Variants in SNX13 observed in about 807,000 individuals in gnomAD.
SNX13 encodes sorting nexin 13.
Under a neutral mutation model 133.6 loss-of-function variants are expected in SNX13, and 45 were observed. The observed-to-expected ratio is 0.34, with a 90% CI of 0.27 to 0.43. The LOEUF (loss-of-function observed/expected upper bound fraction) is 0.43, where lower values mean the gene tolerates loss of function less well. Ranked by LOEUF, SNX13 falls within the 20% of genes least tolerant of loss-of-function variation. SNX13 has a pLI of 1.00. For missense variants in SNX13, 1,032 were observed against 1,145.1 expected, an observed-to-expected ratio of 0.90 and a Z score of 1.43; for synonymous variants, 414 against 373.9, an observed-to-expected ratio of 1.11 and a Z score of -1.24.
At chr7:17,918,387 A>T (rs985733756) in intron 1 of SNX13, among the ~76,000 whole-genome samples, 3 of 152,148 alleles carry the variant, frequency 2.0e-5, no homozygotes, top group African/African-American at 7.2e-5. Flanking sequence ...TAAATCTGAC[A>T]AAGGAATAAT....
chr7:17,826,191 C>T, intron 16 of SNX13, 100 bp from the exon 17 acceptor site: 1 of 654,026 alleles, frequency 1.5e-6, no homozygotes, highest in Non-Finnish European at 2.6e-6. Flanking sequence ...ACTCATTTCC[C>T]TGCATGTAAA....
Position 17,815,442 on chromosome 7 carries a change from A to G in SNX13, c.1954-498T>C, listed in dbSNP as rs118123165. ...TACAAAAAAATTTAAAACATTAGCC[A>G]GGCACAGTGGCATGCACCTGTAGTC... On this transcript the variant is annotated intron_variant, in intron 19 of 25. Transcript: ENST00000428135. Among the ~76,000 whole-genome samples, 45 of 152,268 alleles carry G rather than the reference A, an allele frequency of 3.0e-4. No homozygotes were observed. The East Asian group carries it at 8.7e-3, about 29-fold the overall frequency.
At chr7:17,814,441 A>C (rs1786420579) in intron 20 of SNX13, among the ~76,000 whole-genome samples, 1 of 152,024 alleles carries the variant, frequency 6.6e-6, no homozygotes, top group Non-Finnish European at 1.5e-5. Context: ...TATTTTATAT[A>C]ATAATGATTT....
intron 5 of SNX13, among the ~76,000 whole-genome samples, chr7:17,883,624 C>G (rs1795622101): frequency 6.6e-6 from 1 of 152,024 alleles, no homozygotes; most frequent in Non-Finnish European, 1.5e-5. Context: ...ACGTTTGTTA[C>G]ACAGGTATAC....
chr7:17,868,353 T>C (rs1410655070), intron 9 of SNX13, 54 bp downstream of exon 9: 1 of 1,349,412 alleles, frequency 7.4e-7, no homozygotes, highest in South Asian at 1.3e-5. Context: ...AACTATATTT[T>C]TACATTTCAA....
At chr7:17,910,496 A>G (rs1032242510) in intron 1 of SNX13, among the ~76,000 whole-genome samples, 6 of 152,204 alleles carry the variant, frequency 3.9e-5, no homozygotes, top group African/African-American at 7.2e-5. Context: ...ACTGTGTAAA[A>G]CAATCGGCAG....
intron 5 of SNX13, chr7:17,882,051 T>C (rs765987957): frequency 6.6e-6 from 1 of 152,220 alleles, no homozygotes; most frequent in Non-Finnish European, 1.5e-5. Flanking sequence ...TTAAAGTTAA[T>C]GTATGAGTAC....
intron 9 of SNX13, among the ~76,000 whole-genome samples, chr7:17,861,788 T>A (rs1792739200): frequency 2.0e-5 from 3 of 152,192 alleles, no homozygotes; most frequent in Admixed American, 2.0e-4. Flanking sequence ...AGTGGACCAG[T>A]ACATAAAATC....
intron 9 of SNX13, among the ~76,000 whole-genome samples, chr7:17,862,001 C>A (rs1442675610): frequency 6.6e-6 from 1 of 152,172 alleles, no homozygotes; most frequent in Non-Finnish European, 1.5e-5. Context: ...TTCTGCAGAA[C>A]CATCAGTAAT....
intron 1 of SNX13, among the ~76,000 whole-genome samples, chr7:17,929,481 T>C (rs1801149218): frequency 6.6e-6 from 1 of 152,104 alleles, no homozygotes; most frequent in Non-Finnish European, 1.5e-5. Flanking sequence ...TCTCTTTACC[T>C]ACTGCACAAT....
rs545048921 is a variant in SNX13, at chr7:17,830,967, C to T, written c.1598-920G>A. ...CAAGAACATTTCTTGGTTCTTCAGC[C>T]CTCTGGTCATAAAAAAATGGGAATT... On this transcript the variant is annotated intron_variant, in intron 15 of 25. Transcript: ENST00000428135. 8 of 984,132 alleles carry T rather than the reference C, an allele frequency of 8.1e-6. No individual in the cohort carries two copies. In the African/African-American group the frequency reaches 1.2e-4, roughly 15 times the overall value. 61.0% of individuals were successfully genotyped at this position (984,132 alleles called of 1,614,324 possible).
intron 9 of SNX13, among the ~76,000 whole-genome samples, chr7:17,852,750 G>A (rs1469279915): frequency 6.6e-6 from 1 of 152,086 alleles, no homozygotes; most frequent in Non-Finnish European, 1.5e-5. Flanking sequence ...AAAATGTGAT[G>A]GTACAGAAAG....
intron 1 of SNX13, among the ~76,000 whole-genome samples, chr7:17,930,128 A>G (rs1450268192): frequency 1.2e-4 from 4 of 34,210 alleles, no homozygotes; most frequent in Non-Finnish European, 3.2e-4. Flanking sequence ...GAATAAGAAT[A>G]AAGAAATAAG....
chr7:17,833,243 C>T lies in SNX13; in HGVS notation c.1597+809G>A, dbSNP rs189190143. On this transcript the variant is annotated intron_variant, in intron 15 of 25. Transcript: ENST00000428135. ...AATTTGGAAGCTTGTGTTCTAAAGG[C>T]TATCCCTCCCACTATTCTTATATAA... 4.5e-4 allele frequency among the ~76,000 whole-genome samples: 69 copies of T among 151,692 alleles called. 1 individual carries two copies. The highest frequency in any genetic ancestry group is 1.6e-3 in the African/African-American group (68 of 41,506).
intron 12 of SNX13, among the ~76,000 whole-genome samples, chr7:17,844,450 C>T (rs1583449852): frequency 6.6e-6 from 1 of 151,940 alleles, no homozygotes; most frequent in Non-Finnish European, 1.5e-5. Flanking sequence ...ACCTGAATAG[C>T]TTTACTGGTG....
At chr7:17,813,202 A>G (rs536618087) in intron 20 of SNX13, among the ~76,000 whole-genome samples, 3 of 152,234 alleles carry the variant, frequency 2.0e-5, no homozygotes, top group Non-Finnish European at 4.4e-5. Flanking sequence ...GTGTACTTTA[A>G]TATTTCTTTT....
intron 18 of SNX13, among the ~76,000 whole-genome samples, chr7:17,818,864 G>A (rs1453450880): frequency 2.0e-5 from 3 of 151,942 alleles, no homozygotes; most frequent in Non-Finnish European, 4.4e-5. Context: ...TGTTTAATAT[G>A]GTGCATATTT....
chr7:17,935,983 G>C (rs1368039650), intron 1 of SNX13, among the ~76,000 whole-genome samples: 3 of 152,182 alleles, frequency 2.0e-5, no homozygotes, highest in African/African-American at 7.2e-5. Context: ...GTGTGAGCGT[G>C]GATGTATGAT....
chr7:17,809,077 T>A (rs957726626), intron 20 of SNX13, among the ~76,000 whole-genome samples: 1 of 152,002 alleles, frequency 6.6e-6, no homozygotes, highest in African/African-American at 2.4e-5. Context: ...GCTAACATCA[T>A]AATGACAGGA....
Sources: allele counts gnomAD v4.1 joint callset (sites outside exome capture counted in the v4.1 genomes callset), GRCh38; gene constraint gnomAD v4.1.1; transcripts MANE v1.5; gene names NCBI Gene and HGNC (gene_info 2026-07-23, HGNC 2026-07-21).